The following CSMD1 variants were observed in gnomAD, a reference collection of about 807,000 sequenced individuals.
The protein encoded by CSMD1 is CUB and sushi domain-containing protein 1.
A neutral mutation model predicts 417.5 loss-of-function variants in CSMD1; 213 were observed. That is an observed-to-expected ratio of 0.51 (90% confidence interval 0.46 to 0.57). CSMD1 has a LOEUF of 0.57. CSMD1 is among the 20% of genes least tolerant of loss of function. The pLI is 0.00. For synonymous variants in CSMD1, 2,862 were observed against 1,736.8 expected (o/e 1.65, Z -16.11); for missense variants, 6,923 against 4,529.7 (o/e 1.53, Z -15.17).
intron 5 of CSMD1, among the ~76,000 whole-genome samples, chr8:3,835,649 C>T (rs1393372855): frequency 6.7e-6 from 1 of 150,236 alleles, no homozygotes; most frequent in African/African-American, 2.5e-5. Context: ...CAACATGGCA[C>T]ATGTATACAT....
chr8:4,176,575 C>G, intron 3 of CSMD1, among the ~76,000 whole-genome samples: 1 of 151,326 alleles, frequency 6.6e-6, no homozygotes, highest in Non-Finnish European at 1.5e-5. Context: ...AGTAGAAGTA[C>G]CCTCTAGTAG....
At chr8:3,870,639 G>T (rs1451904905) in intron 5 of CSMD1, among the ~76,000 whole-genome samples, 1 of 152,058 alleles carries the variant, frequency 6.6e-6, no homozygotes, top group African/African-American at 2.4e-5. Flanking sequence ...GGTGAAATGG[G>T]ATCTACTTAT....
chr8:4,461,408 T>C (rs1431208728), intron 2 of CSMD1, among the ~76,000 whole-genome samples: 2 of 151,790 alleles, frequency 1.3e-5, no homozygotes, highest in Non-Finnish European at 2.9e-5. Flanking sequence ...GTAAAGAAGA[T>C]AAAAATATAA....
At chr8:4,785,252 A>T (rs1408860879) in intron 1 of CSMD1, among the ~76,000 whole-genome samples, 1 of 152,176 alleles carries the variant, frequency 6.6e-6, no homozygotes, top group Non-Finnish European at 1.5e-5. Context: ...AGTCATGAGG[A>T]GGTGAACATT....
intron 50 of CSMD1, among the ~76,000 whole-genome samples, chr8:3,031,584 C>G (rs796710858): frequency 6.6e-6 from 1 of 151,980 alleles, no homozygotes; most frequent in African/African-American, 2.4e-5. Flanking sequence ...TTGTTTTATA[C>G]AGACTAGGTC....
chr8:4,047,754 G>A (rs573400181), intron 3 of CSMD1, among the ~76,000 whole-genome samples: 2 of 151,918 alleles, frequency 1.3e-5, no homozygotes, highest in South Asian at 2.1e-4. Flanking sequence ...AGAGAAAATG[G>A]TATTTTTTTG....
intron 4 of CSMD1, among the ~76,000 whole-genome samples, chr8:4,002,233 G>C (rs924762566): frequency 1.3e-5 from 2 of 152,050 alleles, no homozygotes; most frequent in African/African-American, 2.4e-5. Context: ...GTGTGCATGT[G>C]TGTGCGTGTG....
intron 1 of CSMD1, among the ~76,000 whole-genome samples, chr8:4,749,469 G>C (rs1438909772): frequency 1.3e-5 from 2 of 152,180 alleles, no homozygotes; most frequent in Non-Finnish European, 2.9e-5. Flanking sequence ...CCCTTCTTGA[G>C]AAAGGAATTC....
At chr8:4,442,018 TC>T (rs1229320903) in intron 2 of CSMD1, among the ~76,000 whole-genome samples, 1 of 152,238 alleles carries the variant, frequency 6.6e-6, no homozygotes, top group South Asian at 2.1e-4. Context: ...CATTTCTATG[TC>T]CCCCCGCTTT....
intron 26 of CSMD1, among the ~76,000 whole-genome samples, chr8:3,274,510 C>G (rs941896008): frequency 2.6e-5 from 4 of 152,110 alleles, no homozygotes; most frequent in East Asian, 1.9e-4. Context: ...GTTGATCTGT[C>G]TAAAGTTGAC....
At chr8:3,199,038 A>G (rs186274637) in intron 33 of CSMD1, among the ~76,000 whole-genome samples, 1 of 152,358 alleles carries the variant, frequency 6.6e-6, no homozygotes, top group African/African-American at 2.4e-5. Flanking sequence ...AAGCTTCTGA[A>G]AGTGTATGAA....
intron 63 of CSMD1, among the ~76,000 whole-genome samples, chr8:2,956,707 C>T (rs540720630): frequency 5.3e-5 from 8 of 152,176 alleles, no homozygotes; most frequent in Admixed American, 2.0e-4. Flanking sequence ...CCACCTGCCT[C>T]GGCCTCCCAA....
intron 49 of CSMD1, among the ~76,000 whole-genome samples, chr8:3,081,098 G>A (rs1213600818): frequency 6.6e-6 from 1 of 152,130 alleles, no homozygotes; most frequent in African/African-American, 2.4e-5. Flanking sequence ...ATTTTGCCCG[G>A]GTCCGAGGGA....
chr8:4,224,999 C>G (rs940899964), intron 3 of CSMD1, among the ~76,000 whole-genome samples: 49 of 152,234 alleles, frequency 3.2e-4, no homozygotes, highest in African/African-American at 1.1e-3. Flanking sequence ...GAAATCCCAG[C>G]TATTGGGGAG....
rs541862194 is a variant in CSMD1, at chr8:2,963,229, C to T, written c.9447G>A (p.Gln3149=). The change falls in exon 60 of 70, where the codon CAG becomes CAA. Residue 3149 remains glutamine (Q), a synonymous_variant. Coordinates refer to ENST00000635120, the MANE Select transcript of CSMD1 (RefSeq NM_033225.6). The part of the protein sequence containing the change: ...GRGVWKGEIP[Q]CLPVFCGDPG... ...TTCTGCTGTAGAACTTACGGAGACA[C>T]TGGGGGATCTCTCCTTTCCACACCC... is the stretch of plus-strand genomic sequence containing the variant. The T allele has an allele frequency of 2.6e-5, 42 of 1,613,958 alleles. 1 individual carries two copies. In the South Asian group the frequency reaches 4.1e-4, roughly 16 times the overall value.
intron 3 of CSMD1, among the ~76,000 whole-genome samples, chr8:4,194,601 A>G (rs3860866): frequency 2.0e-5 from 3 of 151,982 alleles, no homozygotes; most frequent in Admixed American, 1.3e-4. Flanking sequence ...CTTTGACATT[A>G]ATTTGCTAAC....
intron 5 of CSMD1, among the ~76,000 whole-genome samples, chr8:3,879,334 G>C (rs1171748784): frequency 7.1e-6 from 1 of 140,000 alleles, no homozygotes; most frequent in Non-Finnish European, 1.5e-5. Flanking sequence ...ATCATTACAA[G>C]ATTATTATTC....
intron 26 of CSMD1, among the ~76,000 whole-genome samples, chr8:3,277,211 G>T (rs938683835): frequency 4.6e-5 from 7 of 152,128 alleles, no homozygotes; most frequent in Admixed American, 3.9e-4. Context: ...TTTTCAGAGG[G>T]TTTTGTGGCC....
At chr8:3,049,854 C>G (rs1811701457) in intron 50 of CSMD1, among the ~76,000 whole-genome samples, 1 of 152,076 alleles carries the variant, frequency 6.6e-6, no homozygotes, top group Non-Finnish European at 1.5e-5. Flanking sequence ...GGGAGGTATG[C>G]ACATGTTGCG....
Sources: allele counts gnomAD v4.1 joint callset (sites outside exome capture counted in the v4.1 genomes callset), GRCh38; gene constraint gnomAD v4.1.1; transcripts MANE v1.5; gene names NCBI Gene and HGNC (gene_info 2026-07-23, HGNC 2026-07-21).